Variants in TRIQK observed in about 807,000 individuals in gnomAD.
TRIQK encodes the protein triple QxxK/R motif-containing protein.
In TRIQK, 10 loss-of-function variants were observed where a neutral mutation model predicts 10.8. The observed-to-expected ratio is 0.92, with a 90% CI of 0.57 to 1.57. The LOEUF (loss-of-function observed/expected upper bound fraction) is 1.57. Ranked by LOEUF, TRIQK falls within the 40% of genes most tolerant of loss-of-function variation. The pLI, the probability that TRIQK is intolerant of heterozygous loss-of-function variation, is 0.00. For missense variants in TRIQK, 107 were observed against 97.7 expected (o/e 1.09, Z -0.40); for synonymous variants, 33 against 33.7 (o/e 0.98, Z 0.07).
chr8:92,949,776 GAAAGAA>G (rs1429620399), intron 2 of TRIQK, among the ~76,000 whole-genome samples: 18 of 83,462 alleles, frequency 2.2e-4, no homozygotes, highest in African/African-American at 7.6e-4. Context: ...GAGAAGGAAA[GAAAGAA>G]AAAGAAAGAA....
chr8:93,005,205 G>A (rs967312273), intron 1 of TRIQK, among the ~76,000 whole-genome samples: 3 of 152,212 alleles, frequency 2.0e-5, no homozygotes, highest in Non-Finnish European at 4.4e-5. Context: ...GACATGGCTG[G>A]AGAGGCCTCA....
rs916209275 is a variant in TRIQK, at chr8:92,886,093, A to G, written c.*529T>C. 6.6e-6 allele frequency: 1 copy of G among 151,746 alleles called. No homozygotes were observed. The highest frequency in any genetic ancestry group is 1.5e-5 in the Non-Finnish European group (1 of 67,846). 9.4% of individuals were successfully genotyped at this position (151,746 alleles called of 1,614,324 possible). On this transcript the variant is annotated 3_prime_UTR_variant, in exon 5 of 5. Coordinates refer to ENST00000521988, the MANE Select transcript of TRIQK (RefSeq NM_001171797.2). The stretch of plus-strand genomic sequence containing the variant: ...CATGTGCACTGAACAGTTGGCAAAG[A>G]AGGAAAAAGATTATGGTAGATGTAT...
At chr8:92,937,577 T>C (rs1811056652) in intron 2 of TRIQK, among the ~76,000 whole-genome samples, 1 of 65,878 alleles carries the variant, frequency 1.5e-5, no homozygotes. Flanking sequence ...TTACCTCATC[T>C]TCTTTGTTTT....
chr8:92,965,249 C>T (rs1812676726), intron 1 of TRIQK: 1 of 152,106 alleles, frequency 6.6e-6, no homozygotes, highest in African/African-American at 2.4e-5. Context: ...GCTTATTAAG[C>T]TCAAACAAGC....
At chr8:92,948,774 C>T (rs903356646) in intron 2 of TRIQK, among the ~76,000 whole-genome samples, 11 of 152,108 alleles carry the variant, frequency 7.2e-5, no homozygotes, top group African/African-American at 2.4e-4. Context: ...TTGAAACTTA[C>T]GTATTTGATG....
At chr8:92,943,134 G>A (rs370682779) in intron 2 of TRIQK, among the ~76,000 whole-genome samples, 25 of 150,368 alleles carry the variant, frequency 1.7e-4, no homozygotes, top group Admixed American at 3.3e-4. Context: ...AAAACTCTCC[G>A]CAGTGAAAAC....
At chr8:93,003,253 G>A (rs1019793365) in intron 1 of TRIQK, among the ~76,000 whole-genome samples, 11 of 149,988 alleles carry the variant, frequency 7.3e-5, no homozygotes, top group Admixed American at 2.0e-4. Flanking sequence ...CGGTGCTCAG[G>A]TAGCTTACAA....
intron 1 of TRIQK, among the ~76,000 whole-genome samples, chr8:93,015,395 C>T (rs1813374526): frequency 6.6e-6 from 1 of 151,044 alleles, no homozygotes; most frequent in Non-Finnish European, 1.5e-5. Flanking sequence ...CCCTTTTCCC[C>T]ATTATAAATT....
intron 1 of TRIQK, among the ~76,000 whole-genome samples, chr8:92,991,181 T>A (rs1248983535): frequency 2.0e-5 from 3 of 152,184 alleles, no homozygotes; most frequent in Non-Finnish European, 2.9e-5. Context: ...ACAAAGCCAC[T>A]GTAGCCCGAC....
Position 93,011,205 on chromosome 8 carries a change from C to CACATATAT in TRIQK, c.-181+6403_-181+6404insATATATGT, listed in dbSNP as rs769949767. On this transcript the variant is annotated intron_variant, in intron 1 of 4. Coordinates refer to the TRIQK transcript ENST00000520686. Reference sequence around the variant, plus strand: ...ACACACACACACACACACACACACACATATATATATATATATACAGGAGGT... The same window carrying CACATATAT: ...ACACACACACACACACACACACACACACATATATATATATATATATATATACAGGAGGT... 4.2e-3 allele frequency among the ~76,000 whole-genome samples: 513 copies of CACATATAT among 121,530 alleles called. 4 individuals carry two copies. Among genetic ancestry groups the CACATATAT allele is most frequent in the South Asian group, 5.8e-3 (21 of 3,642 alleles). The allele number at this position is 121,530 out of a possible 152,430, so 79.7% of individuals were successfully genotyped here.
intron 1 of TRIQK, among the ~76,000 whole-genome samples, chr8:92,981,354 A>G (rs1363673610): frequency 6.6e-6 from 1 of 151,890 alleles, no homozygotes; most frequent in Non-Finnish European, 1.5e-5. Context: ...CTTCTAAAAA[A>G]TTCTATGTCT....
At position 92,892,179 on chromosome 8, in the gene TRIQK, G is replaced by A. The variant is rs898542781; in HGVS notation, c.62-105C>T. The stretch of plus-strand genomic sequence containing the variant: ...TTTAAATACAGTGAAACAGGGACAC[G>A]GAGTTGCAAAGTAGTTCCCAGTTGT... On this transcript the variant is annotated intron_variant, in intron 3 of 4. Transcript: ENST00000521988. 35 of 798,624 alleles carry A rather than the reference G, an allele frequency of 4.4e-5. No individual in the cohort carries two copies. The Admixed American group carries it at 6.2e-4, about 14-fold the overall frequency. The allele number at this position is 798,624 out of a possible 1,614,324, so 49.5% of individuals were successfully genotyped here.
chr8:92,890,799 G>C (rs1183067408), intron 4 of TRIQK, among the ~76,000 whole-genome samples: 1 of 151,732 alleles, frequency 6.6e-6, no homozygotes, highest in Non-Finnish European at 1.5e-5. Context: ...TTGCCTTTGA[G>C]GGCAATGACA....
At chr8:92,985,234 G>T (rs754818438) in intron 1 of TRIQK, among the ~76,000 whole-genome samples, 1 of 152,212 alleles carries the variant, frequency 6.6e-6, no homozygotes, top group Non-Finnish European at 1.5e-5. Flanking sequence ...GTGTGTGTGT[G>T]TGTGTGCACG....
At position 92,884,291 on chromosome 8, in the gene TRIQK, AT is replaced by A. The variant is rs1816355976; in HGVS notation, c.*2330del. 1 of 153,070 alleles carries A rather than the reference AT, an allele frequency of 6.5e-6. No individual in the cohort carries two copies. The highest frequency in any genetic ancestry group is 6.5e-5 in the Admixed American group (1 of 15,354). 9.5% of individuals were successfully genotyped at this position (153,070 alleles called of 1,614,324 possible). On this transcript the variant is annotated 3_prime_UTR_variant, in exon 5 of 5. Coordinates refer to ENST00000521988, the MANE Select transcript of TRIQK (RefSeq NM_001171797.2). ...ATTCAAACCAGACTCCCAATCTGGGATTTCTCTACAGAGGGTTGGCTGCTTC... is the reference window on the plus strand; with the variant it reads ...ATTCAAACCAGACTCCCAATCTGGGATTCTCTACAGAGGGTTGGCTGCTTC...
chr8:92,930,057 AAAAT>A (rs904050455), intron 2 of TRIQK, among the ~76,000 whole-genome samples: 23 of 151,662 alleles, frequency 1.5e-4, no homozygotes, highest in Non-Finnish European at 2.6e-4. Flanking sequence ...ATAAAAAATA[AAAAT>A]AAATAAATAA....
chr8:92,942,707 T>A (rs1310756800), intron 2 of TRIQK, among the ~76,000 whole-genome samples: 1 of 152,194 alleles, frequency 6.6e-6, no homozygotes, highest in Non-Finnish European at 1.5e-5. Context: ...TATTTCTTCT[T>A]TGTTTTAGAC....
intron 1 of TRIQK, among the ~76,000 whole-genome samples, chr8:92,993,665 T>G: frequency 6.6e-6 from 1 of 152,146 alleles, no homozygotes; most frequent in East Asian, 1.9e-4. Flanking sequence ...TGGGCAAAGC[T>G]TCCCTAAAAC....
intron 1 of TRIQK, among the ~76,000 whole-genome samples, chr8:92,986,187 C>G (rs1235514655): frequency 3.3e-5 from 5 of 152,002 alleles, no homozygotes; most frequent in Non-Finnish European, 1.5e-5. Context: ...TTCATGTATA[C>G]TAACATGTAT....
Sources: allele counts gnomAD v4.1 joint callset (sites outside exome capture counted in the v4.1 genomes callset), GRCh38; gene constraint gnomAD v4.1.1; transcripts MANE v1.5; gene names NCBI Gene and HGNC (gene_info 2026-07-23, HGNC 2026-07-21).